LEF1: variants seen among roughly 807,000 people sequenced by gnomAD.
The protein encoded by LEF1 is lymphoid enhancer-binding factor 1.
LEF1 carries 14 observed loss-of-function variants against 51.2 expected under a neutral mutation model. The ratio of observed to expected loss-of-function variants is 0.27; its 90% confidence interval spans 0.18 to 0.43. The LOEUF (loss-of-function observed/expected upper bound fraction) is 0.43, where lower values mean the gene tolerates loss of function less well. LEF1 is among the 20% of genes least tolerant of loss of function. The pLI, the probability that LEF1 is intolerant of heterozygous loss-of-function variation, is 1.00. For synonymous variants in LEF1, 185 were observed against 183.2 expected (o/e 1.01, Z -0.08); for missense variants, 386 against 512.0 (o/e 0.75, Z 2.37).
At chr4:108,164,525 T>C (rs1745263338) in intron 2 of LEF1, among the ~76,000 whole-genome samples, 1 of 152,186 alleles carries the variant, frequency 6.6e-6, no homozygotes, top group Non-Finnish European at 1.5e-5. Context: ...TCTAAATACA[T>C]ATGTATGTAA....
intron 3 of LEF1, among the ~76,000 whole-genome samples, chr4:108,116,764 C>G (rs1332857976): frequency 6.6e-6 from 1 of 152,148 alleles, no homozygotes; most frequent in African/African-American, 2.4e-5. Context: ...GGCTGTGTGC[C>G]CTGTGTGTTT....
intron 11 of LEF1, among the ~76,000 whole-genome samples, chr4:108,053,930 C>T (rs760882704): frequency 6.6e-6 from 1 of 152,222 alleles, no homozygotes; most frequent in African/African-American, 2.4e-5. Flanking sequence ...TCTCAACAGA[C>T]GTTCTCTCAC....
chr4:108,111,879 C>A (rs1741554557), intron 3 of LEF1, among the ~76,000 whole-genome samples: 2 of 152,186 alleles, frequency 1.3e-5, no homozygotes, highest in African/African-American at 4.8e-5. Flanking sequence ...GTACTCTAGC[C>A]TGGGTGACAG....
At position 108,064,655 on chromosome 4, in the gene LEF1, TCACACACACA is replaced by T. The variant is rs59828005; in HGVS notation, c.1117-281_1117-272del. 4.1e-3 allele frequency among the ~76,000 whole-genome samples: 525 copies of T among 127,910 alleles called. 1 individual carries two copies. The highest frequency in any genetic ancestry group is 0.01 in the East Asian group (44 of 4,368). The allele number at this position is 127,910 out of a possible 152,430, so 83.9% of individuals were successfully genotyped here. A position where few individuals can be genotyped will look rare whatever the true frequency, so the allele number is the denominator to read the frequency against. On this transcript the variant is annotated intron_variant, in intron 9 of 11. Coordinates refer to ENST00000265165, the MANE Select transcript of LEF1 (RefSeq NM_016269.5). ...CTTTGTCTCTCTCTCTCTCTCTCACTCACACACACACACACACACACACACACACACACAC... is the reference window on the plus strand; with the variant it reads ...CTTTGTCTCTCTCTCTCTCTCTCACTCACACACACACACACACACACACAC...
At chr4:108,122,751 GC>G (rs1213035026) in intron 3 of LEF1, among the ~76,000 whole-genome samples, 1 of 152,136 alleles carries the variant, frequency 6.6e-6, no homozygotes, top group Non-Finnish European at 1.5e-5. Flanking sequence ...CTCCTAAAGT[GC>G]TGAGAATAAA....
chr4:108,068,807 A>G (rs1474046545), intron 9 of LEF1, among the ~76,000 whole-genome samples: 1 of 152,210 alleles, frequency 6.6e-6, no homozygotes, highest in Non-Finnish European at 1.5e-5. Flanking sequence ...CTTGAGCCCC[A>G]CAGCAGCACC....
chr4:108,108,161 C>T lies in LEF1; in HGVS notation c.415-18904G>A, dbSNP rs565441538. The stretch of plus-strand genomic sequence containing the variant: ...AGTGTATAGTTACAAAGGACCTCAA[C>T]CTTGATACACAGCTTTTAACAGTGT... On this transcript the variant is annotated intron_variant, in intron 3 of 11. Coordinates refer to ENST00000265165, the MANE Select transcript of LEF1 (RefSeq NM_016269.5). Among the ~76,000 whole-genome samples the T allele has an allele frequency of 2.1e-3, 322 of 152,300 alleles. 3 individuals carry two copies. The highest frequency in any genetic ancestry group is 0.01 in the Middle Eastern group (3 of 294).
intron 3 of LEF1, among the ~76,000 whole-genome samples, chr4:108,156,752 A>G (rs1272369401): frequency 6.6e-6 from 1 of 152,158 alleles, no homozygotes; most frequent in Non-Finnish European, 1.5e-5. Context: ...GATTTATAAA[A>G]ATATCTTAGT....
chr4:108,128,283 A>C (rs1742670394), intron 3 of LEF1, among the ~76,000 whole-genome samples: 1 of 152,170 alleles, frequency 6.6e-6, no homozygotes, highest in Non-Finnish European at 1.5e-5. Context: ...CCTTCACAAG[A>C]ATCTTCAGTC....
intron 3 of LEF1, among the ~76,000 whole-genome samples, chr4:108,146,802 G>T (rs1008125843): frequency 6.6e-6 from 1 of 152,054 alleles, no homozygotes; most frequent in East Asian, 1.9e-4. Flanking sequence ...ATTGGATTAG[G>T]GTTACTCAAC....
At chr4:108,117,349 C>T (rs1011124896) in intron 3 of LEF1, among the ~76,000 whole-genome samples, 1 of 152,144 alleles carries the variant, frequency 6.6e-6, no homozygotes, top group Non-Finnish European at 1.5e-5. Context: ...AATGGTTGCA[C>T]GGTTTAACTA....
At chr4:108,089,804 T>C (rs548986731) in intron 3 of LEF1, among the ~76,000 whole-genome samples, 42 of 152,350 alleles carry the variant, frequency 2.8e-4, no homozygotes, top group Non-Finnish European at 5.3e-4. Flanking sequence ...AACTCTATGT[T>C]GTACATCTTT....
chr4:108,123,453 T>C (rs1337494701), intron 3 of LEF1, among the ~76,000 whole-genome samples: 6 of 149,662 alleles, frequency 4.0e-5, no homozygotes, highest in Admixed American at 3.3e-4. Flanking sequence ...TTTTTTTTTT[T>C]TTTTTTAAAC....
chr4:108,076,850 G>A (rs1324541085), intron 8 of LEF1, among the ~76,000 whole-genome samples: 4 of 151,468 alleles, frequency 2.6e-5, no homozygotes, highest in African/African-American at 7.3e-5. Flanking sequence ...GTGAAACCCT[G>A]TCTCTACTGA....
chr4:108,149,504 TTTCATTG>T (rs1744225581), intron 3 of LEF1, among the ~76,000 whole-genome samples: 1 of 148,260 alleles, frequency 6.7e-6, no homozygotes, highest in South Asian at 2.2e-4. Flanking sequence ...TTTAACACGG[TTTCATTG>T]TAGTGGTATT....
intron 8 of LEF1, among the ~76,000 whole-genome samples, chr4:108,076,983 T>A (rs1412959289): frequency 4.4e-5 from 6 of 137,782 alleles, no homozygotes; most frequent in African/African-American, 1.6e-4. Context: ...GCCAGGATCA[T>A]GCCACTGTAC....
At chr4:108,070,624 G>T (rs769461078) in intron 9 of LEF1, 39 bp downstream of exon 9, 1 of 1,322,746 alleles carries the variant, frequency 7.6e-7, no homozygotes, top group Non-Finnish European at 1.1e-6. Flanking sequence ...GAGCGAATGA[G>T]TGAGAGTGGA....
chr4:108,068,541 T>C (rs1738237087), intron 9 of LEF1, among the ~76,000 whole-genome samples: 1 of 152,310 alleles, frequency 6.6e-6, no homozygotes, highest in Non-Finnish European at 1.5e-5. Flanking sequence ...TTCCTAACCA[T>C]CAGCATATGG....
chr4:108,112,668 TC>T (rs1177099913), intron 3 of LEF1, among the ~76,000 whole-genome samples: 2 of 152,230 alleles, frequency 1.3e-5, no homozygotes, highest in African/African-American at 4.8e-5. Flanking sequence ...TAGAATGATT[TC>T]TGGCTCGTAA....
Sources: allele counts gnomAD v4.1 joint callset (sites outside exome capture counted in the v4.1 genomes callset), GRCh38; gene constraint gnomAD v4.1.1; transcripts MANE v1.5; gene names NCBI Gene and HGNC (gene_info 2026-07-23, HGNC 2026-07-21).